The following RFX1 variants were observed in gnomAD, a reference collection of about 807,000 sequenced individuals.
RFX1 encodes the protein MHC class II regulatory factor RFX1.
In RFX1, 42 loss-of-function variants were observed where a neutral mutation model predicts 119.6. The ratio of observed to expected loss-of-function variants is 0.35; its 90% CI spans 0.27 to 0.45. RFX1 has a LOEUF of 0.45. Ranked by LOEUF, RFX1 falls within the 20% of genes least tolerant of loss-of-function variation. The pLI is 1.00. For missense variants in RFX1, 1,118 were observed against 1,368.1 expected, an observed-to-expected ratio of 0.82 and a Z score of 2.88; for synonymous variants, 628 against 618.5, an observed-to-expected ratio of 1.02 and a Z score of -0.23.
chr19:14,001,830 G>C (rs57937834), intron 1 of RFX1, among the ~76,000 whole-genome samples: 1,576 of 152,266 alleles, frequency 0.01, 32 homozygotes, highest in African/African-American at 0.036. Flanking sequence ...GTGAAACCCT[G>C]TCTCTACTAA....
At position 13,968,634 on chromosome 19, in the gene RFX1, C is replaced by A; in HGVS notation, c.1663G>T (p.Val555Leu). ...KMEGMTNGVA[V>L]GQQPSTGLSD... ...AGCCCCGTGCTCGGCTGCTGCCCCA[C>A]CGCCACGCCGTTGGTCATGCCTTCC... The change falls in exon 12 of 21, where the codon GTG (valine) becomes TTG (leucine). Residue 555 changes from valine to leucine, a missense_variant. Transcript: ENST00000254325. This position sits in a 1 kb window ranked among gnomAD's most constrained non-coding sequence, Gnocchi z 5.5. The A allele has an allele frequency of 6.2e-7, 1 of 1,613,362 alleles. No homozygotes were observed. Among genetic ancestry groups the A allele is most frequent in the Non-Finnish European group, 8.5e-7 (1 of 1,179,974 alleles).
rs1973739178 is a variant in RFX1 at position 13,962,734 on chromosome 19, G to A, written c.2901C>T (p.Asp967=). Reference sequence around the variant, plus strand: ...GCGCCTGCACGAAGAGGCCGCGCGCGTCAGTCCGCGCCAGCTTGGCCGGCG... The same window carrying A: ...GCGCCTGCACGAAGAGGCCGCGCGCATCAGTCCGCGCCAGCTTGGCCGGCG... ...LEPPAKLART[D]ARGLFVQALP... is the part of the protein sequence containing the mutation. Residue 967 remains aspartate, a synonymous_variant, in exon 21 of 21, where the codon GAC becomes GAT. Transcript: ENST00000254325. 2.0e-6 allele frequency: 3 copies of A among 1,530,618 alleles called. No homozygotes were observed. Among genetic ancestry groups the A allele is most frequent in the Admixed American group, 2.0e-5 (1 of 50,558 alleles). 94.8% of individuals were successfully genotyped at this position (1,530,618 alleles called of 1,614,324 possible). A position where few individuals can be genotyped will look rare whatever the true frequency, so the allele number is the denominator to read the frequency against.
At chr19:14,004,598 C>G (rs1975313400) in intron 1 of RFX1, among the ~76,000 whole-genome samples, 1 of 152,122 alleles carries the variant, frequency 6.6e-6, no homozygotes. Flanking sequence ...CCTGTCCTAA[C>G]TTTCAAAGAG....
At chr19:13,973,687 G>C (rs910265577) in intron 8 of RFX1, among the ~76,000 whole-genome samples, 4 of 152,146 alleles carry the variant, frequency 2.6e-5, no homozygotes, top group Non-Finnish European at 4.4e-5. Context: ...CTAGAGTGCA[G>C]TGTCGCAATC....
At chr19:13,994,723 G>A (rs1232562829) in intron 1 of RFX1, among the ~76,000 whole-genome samples, 2 of 126,804 alleles carry the variant, frequency 1.6e-5, no homozygotes, top group East Asian at 2.1e-4. Flanking sequence ...ATATATATGT[G>A]TGTGTGTGTG....
At chr19:13,994,565 A>C (rs962027255) in intron 1 of RFX1, among the ~76,000 whole-genome samples, 1 of 151,518 alleles carries the variant, frequency 6.6e-6, no homozygotes, top group Non-Finnish European at 1.5e-5. Context: ...AAAATACAAA[A>C]TTTGCTGGGC....
chr19:13,997,528 T>C (rs1975077698), intron 1 of RFX1, among the ~76,000 whole-genome samples: 1 of 152,218 alleles, frequency 6.6e-6, no homozygotes, highest in Non-Finnish European at 1.5e-5. Context: ...CAGGGCCCTT[T>C]AACGCAGTTC....
At chr19:13,964,403 A>ATTTT (rs1362471691) in intron 16 of RFX1, among the ~76,000 whole-genome samples, 2,875 of 145,996 alleles carry the variant, frequency 0.02, 92 homozygotes, top group African/African-American at 0.064. Flanking sequence ...TTTTTTTTTA[A>ATTTT]AAACGAAAGA....
chr19:13,978,021 G>C lies in RFX1; in HGVS notation c.900C>G (p.Gly300=). The C allele has an allele frequency of 6.2e-7, 1 of 1,613,258 alleles. No individual in the cohort carries two copies. Among genetic ancestry groups the C allele is most frequent in the Non-Finnish European group, 8.5e-7 (1 of 1,179,584 alleles). The change falls in exon 8 of 21, where the codon GGC becomes GGG. Residue 300 remains glycine (G), a synonymous_variant. Transcript: ENST00000254325. The stretch of plus-strand genomic sequence containing the variant: ...CACTGGCCGTGTAGCTGGCATCGCC[G>C]CCCTCCACATACTGCACCTGGCTGG... ...VYSSQVQYVE[G]GDASYTASAI...
intron 2 of RFX1, among the ~76,000 whole-genome samples, chr19:13,987,132 C>T (rs986699696): frequency 2.0e-5 from 3 of 152,222 alleles, no homozygotes; most frequent in Admixed American, 1.3e-4. Flanking sequence ...GGGCCGGACT[C>T]GGCCCCTCCT....
At chr19:13,989,180 G>A (rs1974715209) in intron 2 of RFX1, among the ~76,000 whole-genome samples, 1 of 152,028 alleles carries the variant, frequency 6.6e-6, no homozygotes. Flanking sequence ...GGTACCGAGA[G>A]TGCAAAGGTC....
rs933997099 is a variant in RFX1, at chr19:13,980,264, G to A, written c.738+309C>T. Among the ~76,000 whole-genome samples, 3 of 152,102 alleles carry A rather than the reference G, an allele frequency of 2.0e-5. No homozygotes were observed. Among genetic ancestry groups the A allele is most frequent in the African/African-American group, 7.2e-5 (3 of 41,394 alleles). ...CAGAAGGAGCCAGGATGTGGCCTCG[G>A]GGCTTCCTTCAGGCAAATGGGCCCA... is the stretch of plus-strand genomic sequence containing the variant. On this transcript the variant is annotated intron_variant, in intron 6 of 20. Coordinates refer to ENST00000254325, the MANE Select transcript of RFX1 (RefSeq NM_002918.5). This position sits in a 1 kb window ranked among gnomAD's most constrained non-coding sequence, Gnocchi z 5.1.
intron 12 of RFX1, among the ~76,000 whole-genome samples, chr19:13,967,344 CTTTTT>C (rs1028736732): frequency 6.9e-6 from 1 of 144,516 alleles, no homozygotes; most frequent in Non-Finnish European, 1.5e-5. Flanking sequence ...TTTACTTTGT[CTTTTT>C]TTTTTTTTAA....
intron 7 of RFX1, among the ~76,000 whole-genome samples, chr19:13,978,287 C>T (rs1028993974): frequency 2.0e-5 from 3 of 152,230 alleles, no homozygotes; most frequent in African/African-American, 7.2e-5. Context: ...AGCCAGGACT[C>T]TCGGCTTCGG....
At chr19:13,970,352 T>G (rs1974040592) in intron 9 of RFX1, among the ~76,000 whole-genome samples, 177 bp from the exon 10 acceptor site, 1 of 152,078 alleles carries the variant, frequency 6.6e-6, no homozygotes, top group Non-Finnish European at 1.5e-5. Context: ...ACTCTAGAAC[T>G]GCACTGTCCA....
rs929295272 is a variant in RFX1 at position 13,965,103 on chromosome 19, C to T, written c.2211+346G>A. On this transcript the variant is annotated intron_variant, in intron 16 of 20. Coordinates refer to ENST00000254325, the MANE Select transcript of RFX1 (RefSeq NM_002918.5). This position sits in a 1 kb window ranked among gnomAD's most constrained non-coding sequence, Gnocchi z 4.7. ...TTATGTTTCCTTATAGATGTTGTTG[C>T]CTTTCTTAAAAAGTTTTATCTGTTT... Among the ~76,000 whole-genome samples, 1 of 152,182 alleles carries T rather than the reference C, an allele frequency of 6.6e-6. No individual in the cohort carries two copies. The highest frequency in any genetic ancestry group is 2.4e-5 in the African/African-American group (1 of 41,442).
chr19:13,994,899 T>C (rs1334917245), intron 1 of RFX1, among the ~76,000 whole-genome samples: 114 of 43,638 alleles, frequency 2.6e-3, no homozygotes, highest in African/African-American at 0.01. Context: ...CATACATATA[T>C]ATATATATAT....
At chr19:13,996,945 A>G (rs1257518073) in intron 1 of RFX1, among the ~76,000 whole-genome samples, 1 of 152,004 alleles carries the variant, frequency 6.6e-6, no homozygotes, top group Non-Finnish European at 1.5e-5. Context: ...GCAGGTCTTG[A>G]ACTCCTGACC....
In RFX1 at chr19:13,980,457, G is replaced by A; in HGVS notation, c.738+116C>T. On this transcript the variant is annotated intron_variant, in intron 6 of 20. Transcript: ENST00000254325. This position sits in a 1 kb window ranked among gnomAD's most constrained non-coding sequence, Gnocchi z 5.1. ...TTATCAAAGGCCAGGGTGGCAGGCT[G>A]GGGCTGGACCCACATGGGCTGGGCT... 1.6e-6 allele frequency: 1 copy of A among 626,858 alleles called. No homozygotes were observed. The highest frequency in any genetic ancestry group is 2.8e-6 in the Non-Finnish European group (1 of 361,444). The allele number at this position is 626,858 out of a possible 1,614,324, so 38.8% of individuals were successfully genotyped here.
Sources: allele counts gnomAD v4.1 joint callset (sites outside exome capture counted in the v4.1 genomes callset), GRCh38; gene constraint gnomAD v4.1.1; non-coding constraint Gnocchi (gnomAD v3.1); transcripts MANE v1.5; gene names NCBI Gene and HGNC (gene_info 2026-07-23, HGNC 2026-07-21).